CCDC158: variants seen among roughly 807,000 people sequenced by gnomAD.
CCDC158 encodes the protein coiled-coil domain containing 158, also known as coiled-coil domain-containing protein 158.
A neutral mutation model predicts 138.6 loss-of-function variants in CCDC158; 116 were observed. The observed-to-expected ratio is 0.84, with a 90% CI of 0.72 to 0.98. CCDC158 has a LOEUF of 0.98. CCDC158 is among the 50% of genes least tolerant of loss of function. The pLI is 0.00. For missense variants in CCDC158, 1,265 were observed against 1,306.1 expected (o/e 0.97, Z 0.48); for synonymous variants, 436 against 442.4 (o/e 0.99, Z 0.18).
At chr4:76,332,576 T>C in intron 19 of CCDC158, 85 bp from the exon 20 acceptor site, 4 of 1,079,502 alleles carry the variant, frequency 3.7e-6, no homozygotes, top group Non-Finnish European at 5.3e-6. Context: ...TGCTTACATA[T>C]ATTCAATTTT....
At chr4:76,345,716 T>C (rs1722480787) in intron 18 of CCDC158, 1 of 579,660 alleles carries the variant, frequency 1.7e-6, no homozygotes, top group African/African-American at 1.9e-5. Context: ...ATAAATATTT[T>C]GATTTCTACA....
At chr4:76,322,603 T>C (rs1286885198) in intron 24 of CCDC158, among the ~76,000 whole-genome samples, 1 of 152,174 alleles carries the variant, frequency 6.6e-6, no homozygotes, top group East Asian at 1.9e-4. Context: ...TACCCAGCAA[T>C]TTATTGTTTT....
intron 19 of CCDC158, 68 bp downstream of exon 19, chr4:76,333,942 A>AT: frequency 2.6e-6 from 3 of 1,154,574 alleles, no homozygotes; most frequent in Non-Finnish European, 3.6e-6. Context: ...AGAGAGTAAC[A>AT]TGTGAATAAC....
chr4:76,368,205 T>C (rs1459445000), intron 11 of CCDC158, among the ~76,000 whole-genome samples: 1 of 152,144 alleles, frequency 6.6e-6, no homozygotes, highest in Non-Finnish European at 1.5e-5. Context: ...GTGGATGTTT[T>C]CTGTACTGAT....
intron 2 of CCDC158, among the ~76,000 whole-genome samples, chr4:76,407,030 C>A (rs765148671): frequency 6.6e-6 from 1 of 152,030 alleles, no homozygotes; most frequent in Non-Finnish European, 1.5e-5. Flanking sequence ...TCAAAATCTT[C>A]ATTCTCTAAA....
At chr4:76,356,164 T>C (rs997583646) in intron 14 of CCDC158, among the ~76,000 whole-genome samples, 1 of 152,128 alleles carries the variant, frequency 6.6e-6, no homozygotes, top group Non-Finnish European at 1.5e-5. Context: ...CCATTCATTA[T>C]AAACAAGCTA....
chr4:76,329,740 C>G (rs1720858283), intron 21 of CCDC158, among the ~76,000 whole-genome samples: 1 of 152,092 alleles, frequency 6.6e-6, no homozygotes, highest in African/African-American at 2.4e-5. Context: ...CAAAGTGGTT[C>G]CCTTTCAGGA....
chr4:76,366,276 T>A (rs1304632205), intron 12 of CCDC158, among the ~76,000 whole-genome samples: 2 of 152,156 alleles, frequency 1.3e-5, no homozygotes, highest in Non-Finnish European at 2.9e-5. Flanking sequence ...AGGTAAAAAC[T>A]TAAGCAATAG....
intron 18 of CCDC158, among the ~76,000 whole-genome samples, chr4:76,349,293 G>T (rs1722845554): frequency 6.6e-6 from 1 of 152,182 alleles, no homozygotes; most frequent in Non-Finnish European, 1.5e-5. Context: ...ATTTTTAAGA[G>T]AAGGAATTAA....
intron 2 of CCDC158, among the ~76,000 whole-genome samples, chr4:76,404,357 T>G (rs1319721361): frequency 6.6e-6 from 1 of 152,206 alleles, no homozygotes. Context: ...CAATCTTTTC[T>G]GCTGATGAAA....
chr4:76,352,829 T>G (rs1723179136), intron 16 of CCDC158: 1 of 238,228 alleles, frequency 4.2e-6, no homozygotes, highest in African/African-American at 2.2e-5. Flanking sequence ...ACCTTTTTAC[T>G]TATTCATGTC....
chr4:76,367,381 A>C lies in CCDC158; in HGVS notation c.1743T>G (p.His581Gln), dbSNP rs1286920406. 6.2e-7 allele frequency: 1 copy of C among 1,614,134 alleles called. No individual in the cohort carries two copies. Among genetic ancestry groups the C allele is most frequent in the African/African-American group, 1.3e-5 (1 of 74,952 alleles). ...IENMTQLVGQ[H>Q]GRTAGAMQVE... The stretch of plus-strand genomic sequence containing the variant: ...CTTGCATAGCTCCAGCAGTTCGTCC[A>C]TGCTGGCCCACCAGCTGTGTCATGT... The change falls in exon 12 of 25, where the codon CAT (histidine) becomes CAG (glutamine). Residue 581 changes from histidine to glutamine, a missense_variant. Coordinates refer to ENST00000682701, the MANE Select transcript of CCDC158 (RefSeq NM_001394954.1).
At chr4:76,334,525 A>C (rs551026666) in intron 18 of CCDC158, among the ~76,000 whole-genome samples, 1 of 152,232 alleles carries the variant, frequency 6.6e-6, no homozygotes, top group Non-Finnish European at 1.5e-5. Context: ...TACTTTGTTT[A>C]AAGCTAAACT....
intron 18 of CCDC158, among the ~76,000 whole-genome samples, chr4:76,342,093 G>C (rs978777124): frequency 7.9e-5 from 12 of 151,960 alleles, no homozygotes; most frequent in Non-Finnish European, 1.5e-5. Flanking sequence ...TTTTGAGAGA[G>C]AGAGTCCTAC....
chr4:76,345,657 A>G, intron 18 of CCDC158: 1 of 755,682 alleles, frequency 1.3e-6, no homozygotes, highest in Non-Finnish European at 2.4e-6. Flanking sequence ...CACTTAAATC[A>G]TTACCATGGA....
chr4:76,343,194 G>T (rs1396948454), intron 18 of CCDC158, among the ~76,000 whole-genome samples: 2 of 152,098 alleles, frequency 1.3e-5, no homozygotes, highest in African/African-American at 4.8e-5. Context: ...ACAGAATTCT[G>T]ACAGATTTAT....
chr4:76,315,028 C>T (rs2110054011), intron 24 of CCDC158, among the ~76,000 whole-genome samples: 1 of 152,298 alleles, frequency 6.6e-6, no homozygotes, highest in Non-Finnish European at 1.5e-5. Context: ...AAGGTCTGAT[C>T]TGCCCGCCAC....
chr4:76,327,729 G>A (rs928428153), intron 22 of CCDC158, among the ~76,000 whole-genome samples: 5 of 152,024 alleles, frequency 3.3e-5, no homozygotes, highest in South Asian at 2.1e-4. Flanking sequence ...ATATTGACAC[G>A]AAGAAAAACA....
At chr4:76,343,739 C>A (rs980729215) in intron 18 of CCDC158, among the ~76,000 whole-genome samples, 1 of 151,960 alleles carries the variant, frequency 6.6e-6, no homozygotes, top group Non-Finnish European at 1.5e-5. Flanking sequence ...AGACGGAGGT[C>A]ACAGTGAGCC....
Sources: gnomAD v4.1 joint callset for allele counts (sites outside exome capture counted in the v4.1 genomes callset) on GRCh38, gnomAD v4.1.1 for gene constraint, MANE v1.5 for transcripts, NCBI Gene and HGNC (gene_info 2026-07-23, HGNC 2026-07-21) for gene names.